PAPPA2: variants seen among roughly 807,000 people sequenced by gnomAD.
PAPPA2 encodes the protein pappalysin-2.
In PAPPA2, 86 loss-of-function variants were observed where a neutral mutation model predicts 176.4. That is an observed-to-expected ratio of 0.49 (90% CI 0.41 to 0.58). The LOEUF is 0.58. Among genes scored for constraint, PAPPA2 ranks in the 20% least tolerant of loss-of-function variants. The pLI, the probability that PAPPA2 is intolerant of heterozygous loss-of-function variation, is 0.00. For synonymous variants in PAPPA2, 809 were observed against 852.2 expected (o/e 0.95, Z 0.88); for missense variants, 2,073 against 2,256.9 (o/e 0.92, Z 1.65).
intron 14 of PAPPA2, among the ~76,000 whole-genome samples, chr1:176,760,042 T>A (rs1349696691): frequency 6.6e-6 from 1 of 152,254 alleles, no homozygotes; most frequent in Non-Finnish European, 1.5e-5. Flanking sequence ...TTTTTATCCA[T>A]GTTTTGAGAT....
At chr1:176,796,198 G>A (rs1665418095) in intron 20 of PAPPA2, among the ~76,000 whole-genome samples, 1 of 152,136 alleles carries the variant, frequency 6.6e-6, no homozygotes, top group African/African-American at 2.4e-5. Context: ...TTTTAAGCAT[G>A]GAATCATTCC....
At chr1:176,826,486 T>C (rs757480372) in intron 21 of PAPPA2, among the ~76,000 whole-genome samples, 2 of 152,068 alleles carry the variant, frequency 1.3e-5, no homozygotes, top group Non-Finnish European at 2.9e-5. Context: ...AGGTTCCATA[T>C]GGGTGAAAGT....
chr1:176,693,372 G>C (rs1425009677), intron 6 of PAPPA2, among the ~76,000 whole-genome samples: 2 of 152,260 alleles, frequency 1.3e-5, no homozygotes, highest in African/African-American at 4.8e-5. Flanking sequence ...GATTGGAGGT[G>C]AACTCGGGAG....
At chr1:176,789,634 T>C (rs1355716281) in intron 17 of PAPPA2, among the ~76,000 whole-genome samples, 175 bp from the exon 18 acceptor site, 1 of 152,228 alleles carries the variant, frequency 6.6e-6, no homozygotes, top group Non-Finnish European at 1.5e-5. Context: ...AAATGAACAT[T>C]ACTATTTTTA....
chr1:176,808,023 T>A (rs1428905281), intron 21 of PAPPA2, among the ~76,000 whole-genome samples: 1 of 152,198 alleles, frequency 6.6e-6, no homozygotes, highest in African/African-American at 2.4e-5. Flanking sequence ...TGACCCCATC[T>A]CGGATCATTA....
chr1:176,797,003 C>G lies in PAPPA2; in HGVS notation c.5131-3058C>G, dbSNP rs186452276. Among the ~76,000 whole-genome samples, 1,166 of 152,178 alleles carry G rather than the reference C, an allele frequency of 7.7e-3. 17 individuals are homozygous for G. Among genetic ancestry groups the G allele is most frequent in the African/African-American group, 0.026 (1,086 of 41,508 alleles). ...GAGGAAATTTTTAAACTAATTTTCTCTTAAACTTTTTTTATGTTGGAAAGT... is the reference window on the plus strand; with the variant it reads ...GAGGAAATTTTTAAACTAATTTTCTGTTAAACTTTTTTTATGTTGGAAAGT... On this transcript the variant is annotated intron_variant, in intron 20 of 22. Coordinates refer to ENST00000367662, the MANE Select transcript of PAPPA2 (RefSeq NM_020318.3).
intron 21 of PAPPA2, 132 bp downstream of exon 21, chr1:176,800,264 A>C (rs1665625712): frequency 4.9e-6 from 4 of 824,626 alleles, no homozygotes; most frequent in Non-Finnish European, 7.3e-6. Flanking sequence ...TTCTTAAATT[A>C]AGTTGGTTCC....
At chr1:176,830,066 A>C (rs1667026315) in intron 21 of PAPPA2, among the ~76,000 whole-genome samples, 1 of 152,136 alleles carries the variant, frequency 6.6e-6, no homozygotes, top group Admixed American at 6.5e-5. Flanking sequence ...CTGGGAGGCA[A>C]AGGGACAAGA....
chr1:176,671,363 G>A (rs1658987909), intron 4 of PAPPA2, among the ~76,000 whole-genome samples: 2 of 152,204 alleles, frequency 1.3e-5, no homozygotes, highest in South Asian at 4.1e-4. Flanking sequence ...TAATTTAGAT[G>A]CAAATAAATT....
chr1:176,556,273 G>A lies in PAPPA2; in HGVS notation c.-50G>A, dbSNP rs1377427650. 1 of 1,563,924 alleles carries A rather than the reference G, an allele frequency of 6.4e-7. No individual in the cohort carries two copies. Among genetic ancestry groups the A allele is most frequent in the East Asian group, 2.2e-5 (1 of 44,618 alleles). ...TTTCTCGTCTGCCCATCACTCTGGT[G>A]TGGTACCCAGAAGTTGACTTCTGGT... is the stretch of plus-strand genomic sequence containing the variant. On this transcript the variant is annotated 5_prime_UTR_variant, in exon 2 of 23. It adds an upstream start codon to the 5' untranslated region. Coordinates refer to ENST00000367662, the MANE Select transcript of PAPPA2 (RefSeq NM_020318.3).
chr1:176,661,128 G>C (rs568643384), intron 3 of PAPPA2, among the ~76,000 whole-genome samples: 1 of 151,924 alleles, frequency 6.6e-6, no homozygotes, highest in East Asian at 1.9e-4. Flanking sequence ...TCTCTTTGTC[G>C]CATTATTCTT....
chr1:176,716,081 G>A (rs1661354792), intron 12 of PAPPA2, among the ~76,000 whole-genome samples: 1 of 151,484 alleles, frequency 6.6e-6, no homozygotes, highest in African/African-American at 2.4e-5. Context: ...AATACAATGA[G>A]GGTACTGGCC....
intron 1 of PAPPA2, among the ~76,000 whole-genome samples, chr1:176,485,879 CAAAG>C (rs1652624203): frequency 6.6e-6 from 1 of 152,038 alleles, no homozygotes; most frequent in South Asian, 2.1e-4. Flanking sequence ...AGTGAAAACT[CAAAG>C]AAGCATTTAG....
intron 4 of PAPPA2, among the ~76,000 whole-genome samples, chr1:176,685,256 C>G (rs533335651): frequency 1.3e-5 from 2 of 152,290 alleles, no homozygotes; most frequent in Non-Finnish European, 2.9e-5. Context: ...ATTTGCCTTA[C>G]TACTTTAATC....
chr1:176,591,590 A>C (rs1653671527), intron 2 of PAPPA2, among the ~76,000 whole-genome samples: 1 of 152,226 alleles, frequency 6.6e-6, no homozygotes, highest in African/African-American at 2.4e-5. Context: ...TCACTATAGA[A>C]TCTCCAGCAC....
In PAPPA2 at chr1:176,681,782, C is replaced by T. The variant is rs138342719; in HGVS notation, c.2138-8355C>T. Among the ~76,000 whole-genome samples the T allele has an allele frequency of 5.3e-5, 8 of 152,210 alleles. 1 individual carries two copies. The East Asian group carries it at 1.5e-3, about 29-fold the overall frequency. ...AAATGTGTTTTTAGGAATGCATCTG[C>T]TTGCAATGGTAGAACTGCTTGTAAG... On this transcript the variant is annotated intron_variant, in intron 4 of 22. Coordinates refer to ENST00000367662, the MANE Select transcript of PAPPA2 (RefSeq NM_020318.3).
intron 2 of PAPPA2, among the ~76,000 whole-genome samples, chr1:176,560,401 G>A (rs1651595640): frequency 6.6e-6 from 1 of 152,224 alleles, no homozygotes; most frequent in African/African-American, 2.4e-5. Context: ...GGTGCTGAAC[G>A]TCTCTCTGGC....
At chr1:176,594,084 G>A (rs920372142) in intron 2 of PAPPA2, among the ~76,000 whole-genome samples, 4 of 152,188 alleles carry the variant, frequency 2.6e-5, no homozygotes, top group African/African-American at 9.6e-5. Context: ...ACCTTCCAGA[G>A]GGTAAGAGAT....
At chr1:176,607,322 A>G (rs988565241) in intron 3 of PAPPA2, among the ~76,000 whole-genome samples, 1 of 152,104 alleles carries the variant, frequency 6.6e-6, no homozygotes, top group African/African-American at 2.4e-5. Context: ...CTTTTATCTA[A>G]TTGCATGTTT....
Sources: gnomAD v4.1 joint callset for allele counts (sites outside exome capture counted in the v4.1 genomes callset) on GRCh38, gnomAD v4.1.1 for gene constraint, MANE v1.5 for transcripts, NCBI Gene and HGNC (gene_info 2026-07-23, HGNC 2026-07-21) for gene names.